Variants in PSTPIP2 observed in about 807,000 individuals in gnomAD.
PSTPIP2 encodes proline-serine-threonine phosphatase interacting protein 2, also known as proline-serine-threonine phosphatase-interacting protein 2.
A neutral mutation model predicts 63.3 loss-of-function variants in PSTPIP2; 33 were observed. The ratio of observed to expected loss-of-function variants is 0.52; its 90% CI spans 0.40 to 0.70. The LOEUF (loss-of-function observed/expected upper bound fraction) is 0.70. Among genes scored for constraint, PSTPIP2 ranks in the 30% least tolerant of loss-of-function variants. PSTPIP2 has a pLI of 0.00. For synonymous variants in PSTPIP2, 125 were observed against 132.7 expected, an observed-to-expected ratio of 0.94 and a Z score of 0.40; for missense variants, 312 against 400.7, an observed-to-expected ratio of 0.78 and a Z score of 1.89.
rs756597441 is a variant in PSTPIP2 at position 46,040,032 on chromosome 18, T to C, written c.49A>G (p.Ser17Gly). 6.2e-7 allele frequency: 1 copy of C among 1,609,014 alleles called. No homozygotes were observed. The highest frequency in any genetic ancestry group is 2.2e-5 in the East Asian group (1 of 44,820). The change falls in exon 2 of 15, where the codon AGC becomes GGC. Residue 17 changes from serine (S) to glycine (G), a missense_variant. Transcript: ENST00000409746. ...ATAATGTTGTCATAGCCGATGGTGC[T>C]GAGGATGTCTGCACTCTGGGGGAAA... ...KGNFWSADILSTIGYDNIIQH... is the reference protein window; with the variant it reads ...KGNFWSADILGTIGYDNIIQH...
intron 1 of PSTPIP2, among the ~76,000 whole-genome samples, chr18:46,044,582 C>T (rs1320494376): frequency 2.0e-5 from 3 of 152,166 alleles, no homozygotes; most frequent in African/African-American, 7.2e-5. Context: ...CATTACCATT[C>T]AGGACATAGG....
At chr18:46,041,045 C>T (rs1373338498) in intron 1 of PSTPIP2, 1 of 458,630 alleles carries the variant, frequency 2.2e-6, no homozygotes, top group Admixed American at 2.3e-5. Flanking sequence ...TGAACTTGAC[C>T]CTGATAGCTC....
chr18:46,043,224 TAAAAAAAAAA>T (rs34454812), intron 1 of PSTPIP2, among the ~76,000 whole-genome samples: 2 of 77,316 alleles, frequency 2.6e-5, no homozygotes, highest in Non-Finnish European at 4.7e-5. Context: ...CACCTCTCCT[TAAAAAAAAAA>T]AAAAAAAAAA....
intron 1 of PSTPIP2, among the ~76,000 whole-genome samples, chr18:46,041,256 G>A (rs970482282): frequency 3.3e-5 from 5 of 152,026 alleles, no homozygotes; most frequent in African/African-American, 1.2e-4. Context: ...GTTTTGTTTT[G>A]TTCTGTTTTG....
At chr18:46,036,155 T>C (rs890898759) in intron 2 of PSTPIP2, among the ~76,000 whole-genome samples, 8 of 149,244 alleles carry the variant, frequency 5.4e-5, no homozygotes, top group African/African-American at 2.0e-4. Context: ...AATATTATAA[T>C]ATTAATTGTT....
intron 4 of PSTPIP2, among the ~76,000 whole-genome samples, chr18:46,013,658 G>A (rs1025165782): frequency 6.6e-6 from 1 of 152,022 alleles, no homozygotes; most frequent in Non-Finnish European, 1.5e-5. Context: ...TGAGAACTGA[G>A]AAATTAAGAA....
intron 2 of PSTPIP2, among the ~76,000 whole-genome samples, chr18:46,035,274 A>C (rs1422071918): frequency 3.3e-5 from 5 of 151,994 alleles, no homozygotes; most frequent in African/African-American, 1.2e-4. Context: ...TACAAAAATT[A>C]GCTGGGGTGG....
chr18:45,998,814 T>C lies in PSTPIP2; in HGVS notation c.542A>G (p.Lys181Arg), dbSNP rs1189758558. The C allele has an allele frequency of 6.2e-7, 1 of 1,613,994 alleles. No homozygotes were observed. Among genetic ancestry groups the C allele is most frequent in the East Asian group, 2.2e-5 (1 of 44,876 alleles). ...EKLFVKLATS[K>R]TAVEDSDKAY... ...CTCACCTGAGTCCTCTACTGCGGTC[T>C]TTGAAGTTGCCAGTTTCACAAAAAG... The change falls in exon 8 of 15, where the codon AAG becomes AGG. Residue 181 changes from lysine to arginine, a missense_variant. Lys to Arg is a conservative substitution (Grantham distance 26, BLOSUM62 2). Transcript: ENST00000409746.
At chr18:46,049,619 C>T (rs757358699) in intron 1 of PSTPIP2, among the ~76,000 whole-genome samples, 2 of 152,274 alleles carry the variant, frequency 1.3e-5, no homozygotes, top group South Asian at 2.1e-4. Context: ...AGGTGACTCA[C>T]GCCTGTAATC....
chr18:46,051,482 A>G (rs1037262441), intron 1 of PSTPIP2, among the ~76,000 whole-genome samples: 2 of 152,188 alleles, frequency 1.3e-5, no homozygotes, highest in African/African-American at 4.8e-5. Flanking sequence ...TCAAGAAAAA[A>G]AAAAATTGAA....
chr18:46,023,420 ATGGAGGCGCATGCC>A (rs1402404773), intron 3 of PSTPIP2, among the ~76,000 whole-genome samples: 4 of 152,216 alleles, frequency 2.6e-5, no homozygotes, highest in Admixed American at 2.6e-4. Context: ...TTAGCCGGGC[ATGGAGGCGCATGCC>A]TGTAATCCCA....
At chr18:46,066,761 G>A (rs1247889372) in intron 1 of PSTPIP2, among the ~76,000 whole-genome samples, 1 of 152,188 alleles carries the variant, frequency 6.6e-6, no homozygotes, top group Non-Finnish European at 1.5e-5. Context: ...CGGGTGCGGT[G>A]GCTCACGCCT....
At chr18:46,017,489 T>C (rs1184991164) in intron 3 of PSTPIP2, among the ~76,000 whole-genome samples, 2 of 152,172 alleles carry the variant, frequency 1.3e-5, no homozygotes, top group African/African-American at 2.4e-5. Context: ...AAATTTCTTC[T>C]CATTGTTTCT....
intron 6 of PSTPIP2, among the ~76,000 whole-genome samples, chr18:46,005,005 T>C (rs1437792239): frequency 1.3e-5 from 2 of 152,184 alleles, no homozygotes; most frequent in East Asian, 1.9e-4. Context: ...GTGGTACATA[T>C]ACACCATGGA....
At chr18:46,042,138 G>C (rs997196858) in intron 1 of PSTPIP2, among the ~76,000 whole-genome samples, 2 of 152,096 alleles carry the variant, frequency 1.3e-5, no homozygotes, top group African/African-American at 2.4e-5. Flanking sequence ...ACTTTTACAA[G>C]TTACGAATCT....
chr18:45,996,079 G>T (rs2051591311), intron 9 of PSTPIP2, among the ~76,000 whole-genome samples: 1 of 152,200 alleles, frequency 6.6e-6, no homozygotes, highest in South Asian at 2.1e-4. Flanking sequence ...GCCTCCCAAA[G>T]TGCTGGGATT....
Position 46,005,526 on chromosome 18 carries a change from C to A in PSTPIP2, c.360G>T (p.Glu120Asp). ...GTTTATGGATAGCATCCATTATGAG[C>A]TCTGTCTGTAAAGAGATCATAAACA... ...EKQKLQRKKT[E>D]LIMDAIHKQK... The change falls in exon 6 of 15, where the codon GAG (glutamate) becomes GAT (aspartate). Residue 120 changes from glutamate to aspartate, a missense_variant. By Grantham distance (45) the Glu-to-Asp change is conservative. Transcript: ENST00000409746. 6.3e-7 allele frequency: 1 copy of A among 1,592,110 alleles called. No homozygotes were observed.
chr18:46,015,861 T>C, intron 4 of PSTPIP2, 42 bp downstream of exon 4: 2 of 1,583,790 alleles, frequency 1.3e-6, no homozygotes, highest in Non-Finnish European at 1.7e-6. Flanking sequence ...ACAGGGCTTG[T>C]CAAGGGCAGT....
rs762190925 is a variant in PSTPIP2, at chr18:46,039,987, G to A, written c.94C>T (p.Arg32Cys). 35 of 1,613,540 alleles carry A rather than the reference G, an allele frequency of 2.2e-5. No individual in the cohort carries two copies. The highest frequency in any genetic ancestry group is 2.6e-5 in the Non-Finnish European group (31 of 1,179,754). The change falls in exon 2 of 15, where the codon CGC (arginine) becomes TGC (cysteine). Residue 32 changes from arginine to cysteine, a missense_variant. Physicochemically the swap from Arg to Cys is radical, Grantham distance 180. Transcript: ENST00000409746. ...TCTTCAAACTCTTTGCAGTTCTTGC[G>A]GCCATTGTTCAGATGTTGGATAATG... ...DNIIQHLNNGRKNCKEFEDFL... is the reference protein window; with the variant it reads ...DNIIQHLNNGCKNCKEFEDFL...
Sources: gnomAD v4.1 joint callset for allele counts (sites outside exome capture counted in the v4.1 genomes callset) on GRCh38, gnomAD v4.1.1 for gene constraint, MANE v1.5 for transcripts, NCBI Gene and HGNC (gene_info 2026-07-23, HGNC 2026-07-21) for gene names.